The following CORO7 variants were observed in gnomAD, a reference collection of about 807,000 sequenced individuals.
The protein encoded by CORO7 is coronin 7.
Under a neutral mutation model 126.6 loss-of-function variants are expected in CORO7, and 107 were observed. That is an observed-to-expected ratio of 0.85 (90% CI 0.72 to 0.99). CORO7 has a LOEUF of 0.99. Among genes scored for constraint, CORO7 ranks in the 50% least tolerant of loss-of-function variants. The probability of loss-of-function intolerance (pLI) is 0.00; values close to 1 mark genes in which losing one functional copy is unlikely to be tolerated. For missense variants in CORO7, 1,314 were observed against 1,255.8 expected (o/e 1.05, Z -0.70); for synonymous variants, 603 against 536.8 (o/e 1.12, Z -1.70).
intron 3 of CORO7, 106 bp downstream of exon 3, chr16:4,412,250 G>T: frequency 3.2e-6 from 4 of 1,238,780 alleles, no homozygotes; most frequent in Non-Finnish European, 4.7e-6. Context: ...CGACAGGAGG[G>T]ACCTGGCAAG....
chr16:4,404,757 G>A (rs181156009), intron 6 of CORO7, among the ~76,000 whole-genome samples: 4 of 152,074 alleles, frequency 2.6e-5, no homozygotes, highest in South Asian at 2.1e-4. Flanking sequence ...AAAGGTCTCC[G>A]CCACTCCCGG....
intron 3 of CORO7, among the ~76,000 whole-genome samples, chr16:4,411,262 A>G (rs1415939955): frequency 6.6e-6 from 1 of 152,148 alleles, no homozygotes; most frequent in Non-Finnish European, 1.5e-5. Context: ...GGGTGGTGGC[A>G]TAAACCTGTG....
chr16:4,416,201 C>T (rs1009942312), intron 1 of CORO7, among the ~76,000 whole-genome samples: 1 of 152,118 alleles, frequency 6.6e-6, no homozygotes, highest in African/African-American at 2.4e-5. Flanking sequence ...TCGGGGGTCC[C>T]GGGGCGAGGT....
At chr16:4,396,133 G>T (rs1004338538) in intron 6 of CORO7, among the ~76,000 whole-genome samples, 1 of 152,002 alleles carries the variant, frequency 6.6e-6, no homozygotes, top group Admixed American at 6.6e-5. Flanking sequence ...ATGCTGGAGT[G>T]CAATGGTGCA....
In CORO7 at chr16:4,364,282, G is replaced by A. The variant is rs199760152; in HGVS notation, c.1269C>T (p.Asp423=). ...GGGCGGCCCTGGTACTTACGCTTGC[G>A]TCTGCATCACCCACGGGTGTCTCCA... is the stretch of plus-strand genomic sequence containing the variant. ...AVMETPVGDA[D]ASEGFSSPPS... is the part of the protein sequence containing the mutation. Residue 423 remains aspartate, a synonymous_variant, in exon 14 of 28, where the codon GAC becomes GAT. Coordinates refer to ENST00000251166, the MANE Select transcript of CORO7 (RefSeq NM_024535.5). 1.2e-5 allele frequency: 18 copies of A among 1,550,094 alleles called. 1 individual carries two copies. Among genetic ancestry groups the A allele is most frequent in the East Asian group, 4.6e-5 (2 of 43,856 alleles).
At chr16:4,383,969 G>T (rs928793767) in intron 9 of CORO7, among the ~76,000 whole-genome samples, 2 of 152,192 alleles carry the variant, frequency 1.3e-5, no homozygotes, top group Admixed American at 6.5e-5. Context: ...TCTCTACAGC[G>T]TCCCGGGAGA....
chr16:4,413,845 G>A (rs62039173), intron 1 of CORO7, among the ~76,000 whole-genome samples: 97,636 of 151,294 alleles, frequency 0.65, 32,033 homozygotes, highest in Non-Finnish European at 0.71. Flanking sequence ...GCCGTGTTGT[G>A]TTACTTCAAA....
intron 9 of CORO7, among the ~76,000 whole-genome samples, chr16:4,374,086 C>CGTGTGT (rs112578905): frequency 1.9e-4 from 28 of 148,774 alleles, no homozygotes; most frequent in African/African-American, 3.9e-4. Flanking sequence ...GGAGGGTGCA[C>CGTGTGT]GTGTGTGTGT....
rs2054123892 is a variant in CORO7, at chr16:4,360,351, G to A, written c.2035C>T (p.Pro679Ser). The A allele has an allele frequency of 6.2e-7, 1 of 1,613,520 alleles. No individual in the cohort carries two copies. The highest frequency in any genetic ancestry group is 1.3e-5 in the African/African-American group (1 of 74,916). ...GPEPLQEGPG[P>S]KGGRGARIVW... ...ATGCGAGCTCCGCGTCCTCCCTTGG[G>A]CCCTGGGCCTTCCTGTTGAGATACA... Residue 679 changes from proline to serine, a missense_variant, in exon 21 of 28, where the codon CCC (proline) becomes TCC (serine). By Grantham distance (74) the Pro-to-Ser change is moderately conservative. Coordinates refer to ENST00000251166, the MANE Select transcript of CORO7 (RefSeq NM_024535.5).
At chr16:4,413,005 T>C (rs770492265) in intron 2 of CORO7, 1 of 335,170 alleles carries the variant, frequency 3.0e-6, no homozygotes, top group Non-Finnish European at 5.4e-6. Flanking sequence ...GGCCCAAAGA[T>C]GAGGAGCAGG....
chr16:4,375,615 G>A (rs538903088), intron 9 of CORO7, among the ~76,000 whole-genome samples: 7 of 152,340 alleles, frequency 4.6e-5, no homozygotes, highest in African/African-American at 1.7e-4. Context: ...AGCCTCCCAA[G>A]TAGCTGGGAC....
intron 19 of CORO7, 46 bp from the exon 20 acceptor site, chr16:4,360,594 G>A (rs1265861837): frequency 6.5e-7 from 1 of 1,549,052 alleles, no homozygotes; most frequent in Admixed American, 1.9e-5. Flanking sequence ...TTCACTGCTG[G>A]CCCCACCTCT....
intron 25 of CORO7, 196 bp downstream of exon 25, chr16:4,357,772 G>T: frequency 1.1e-6 from 1 of 908,812 alleles, no homozygotes; most frequent in Non-Finnish European, 1.6e-6. Flanking sequence ...TGTGTTAGGG[G>T]TGGGGACCTG....
intron 6 of CORO7, among the ~76,000 whole-genome samples, chr16:4,397,945 C>G (rs2055660484): frequency 6.7e-6 from 1 of 150,110 alleles, no homozygotes; most frequent in East Asian, 2.0e-4. Context: ...GAGACAGAGT[C>G]TCGCTCTGTT....
In CORO7 at chr16:4,357,221, G is replaced by C. The variant is rs1375555925; in HGVS notation, c.2632C>G (p.Pro878Ala). ...TCTTCCAGGTACTGCGCTGAGGATG[G>C]GGCCCGACGAGCAGGGGCCTCTCGG... ...APREAPARRAPSSAQYLEEKS... is the reference protein window; with the variant it reads ...APREAPARRAASSAQYLEEKS... Residue 878 changes from proline (P) to alanine (A), a missense_variant, in exon 26 of 28, where the codon CCA becomes GCA. Transcript: ENST00000251166. 5 of 1,613,866 alleles carry C rather than the reference G, an allele frequency of 3.1e-6. No individual in the cohort carries two copies. Among genetic ancestry groups the C allele is most frequent in the Non-Finnish European group, 4.2e-6 (5 of 1,179,984 alleles).
chr16:4,403,605 G>A (rs536422966), intron 6 of CORO7, among the ~76,000 whole-genome samples: 6 of 152,166 alleles, frequency 3.9e-5, no homozygotes, highest in South Asian at 2.1e-4. Context: ...GAGCTCCTCC[G>A]TCTGTGACTC....
chr16:4,396,606 A>G (rs2055602303), intron 6 of CORO7, among the ~76,000 whole-genome samples: 1 of 152,168 alleles, frequency 6.6e-6, no homozygotes, highest in Admixed American at 6.6e-5. Context: ...GGTGGGGAAG[A>G]TGGGGGCTGG....
chr16:4,355,231 G>T, intron 27 of CORO7, 55 bp downstream of exon 27: 1 of 1,605,446 alleles, frequency 6.2e-7, no homozygotes, highest in Non-Finnish European at 8.5e-7. Context: ...CATGCACCGT[G>T]GCATGTGCGA....
intron 9 of CORO7, among the ~76,000 whole-genome samples, chr16:4,385,476 C>T (rs1439172540): frequency 6.6e-6 from 1 of 152,210 alleles, no homozygotes; most frequent in Non-Finnish European, 1.5e-5. Flanking sequence ...GCTCAATTCA[C>T]ACCCAGAAGC....
Sources: allele counts gnomAD v4.1 joint callset (sites outside exome capture counted in the v4.1 genomes callset), GRCh38; gene constraint gnomAD v4.1.1; transcripts MANE v1.5; gene names NCBI Gene and HGNC (gene_info 2026-07-23, HGNC 2026-07-21).